The following CNTN6 variants were observed in gnomAD, a reference collection of about 807,000 sequenced individuals.
CNTN6 encodes the protein contactin-6.
CNTN6 carries 137 observed loss-of-function variants against 122.8 expected under a neutral mutation model. The observed-to-expected ratio is 1.12, with a 90% CI of 0.97 to 1.29. CNTN6 has a LOEUF of 1.29. Among genes scored for constraint, CNTN6 ranks in the 50% most tolerant of loss-of-function variants. The pLI is 0.00. For missense variants in CNTN6, 1,634 were observed against 1,223.4 expected (o/e 1.34, Z -5.01); for synonymous variants, 570 against 426.0 (o/e 1.34, Z -4.16).
chr3:1,101,850 C>A (rs2090913993), intron 1 of CNTN6, among the ~76,000 whole-genome samples: 1 of 152,034 alleles, frequency 6.6e-6, no homozygotes, highest in African/African-American at 2.4e-5. Flanking sequence ...TCTATTAATT[C>A]CTTAAGTTTA....
rs1209156563 is a variant in CNTN6, at chr3:1,278,514, A to T, written c.454+6A>T. Reference sequence around the variant, plus strand: ...CCCACCGCCACATTTTGGAGGTATGATGGGGTGATTTGGGTCATATCATCA... The same window carrying T: ...CCCACCGCCACATTTTGGAGGTATGTTGGGGTGATTTGGGTCATATCATCA... On this transcript the variant is annotated splice_donor_region_variant and intron_variant, in intron 5 of 22. Transcript: ENST00000446702. 1 of 1,607,100 alleles carries T rather than the reference A, an allele frequency of 6.2e-7. No homozygotes were observed. The highest frequency in any genetic ancestry group is 8.5e-7 in the Non-Finnish European group (1 of 1,174,636).
intron 2 of CNTN6, among the ~76,000 whole-genome samples, chr3:1,161,554 T>C (rs556203304): frequency 6.6e-6 from 1 of 152,078 alleles, no homozygotes; most frequent in South Asian, 2.1e-4. Flanking sequence ...TATACATTTA[T>C]ATGCACACAA....
chr3:1,287,723 T>A (rs1031018711), intron 5 of CNTN6, among the ~76,000 whole-genome samples: 1 of 152,174 alleles, frequency 6.6e-6, no homozygotes, highest in African/African-American at 2.4e-5. Context: ...CATTATATGC[T>A]AATTATAATG....
chr3:1,238,684 G>A (rs539251597), intron 4 of CNTN6, among the ~76,000 whole-genome samples: 2 of 152,164 alleles, frequency 1.3e-5, no homozygotes, highest in South Asian at 2.1e-4. Flanking sequence ...TAGACCATAC[G>A]ATAGGCCACA....
chr3:1,383,881 A>G (rs1030431625), intron 19 of CNTN6, among the ~76,000 whole-genome samples: 6 of 152,192 alleles, frequency 3.9e-5, no homozygotes, highest in Non-Finnish European at 7.3e-5. Context: ...ATTGCCATAG[A>G]AAGGGATGGT....
At chr3:1,160,841 G>A (rs1051361646) in intron 2 of CNTN6, among the ~76,000 whole-genome samples, 1 of 151,924 alleles carries the variant, frequency 6.6e-6, no homozygotes, top group African/African-American at 2.4e-5. Flanking sequence ...CTGAGTGTTA[G>A]TTTCAGGAAT....
In CNTN6 at chr3:1,329,197, A is replaced by G. The variant is rs548027686; in HGVS notation, c.1214-588A>G. On this transcript the variant is annotated intron_variant, in intron 10 of 22. Transcript: ENST00000446702. ...ATCAGAAACACACATACATATATACATGTATGCATATACATGTATATATAT... is the reference window on the plus strand; with the variant it reads ...ATCAGAAACACACATACATATATACGTGTATGCATATACATGTATATATAT... Among the ~76,000 whole-genome samples the G allele has an allele frequency of 2.6e-4, 40 of 151,390 alleles. No homozygotes were observed. The South Asian group carries it at 8.1e-3, about 31-fold the overall frequency.
intron 12 of CNTN6, among the ~76,000 whole-genome samples, chr3:1,367,428 TCA>T (rs1365126324): frequency 8.5e-5 from 13 of 152,208 alleles, no homozygotes; most frequent in African/African-American, 3.1e-4. Flanking sequence ...TACAATCCAG[TCA>T]CACAGAGCCC....
chr3:1,280,005 A>AT (rs534209877), intron 5 of CNTN6, among the ~76,000 whole-genome samples: 15 of 152,256 alleles, frequency 9.9e-5, no homozygotes, highest in African/African-American at 3.6e-4. Flanking sequence ...TTTGGTGCTT[A>AT]TTTTTTAACG....
rs1343369964 is a variant in CNTN6, at chr3:1,227,919, T to C, written c.284T>C (p.Ile95Thr). The C allele has an allele frequency of 1.9e-6, 3 of 1,614,102 alleles. No individual in the cohort carries two copies. The highest frequency in any genetic ancestry group is 2.2e-5 in the South Asian group (2 of 91,086). ...AATAGCCCCCACACAGATCAAGATA[T>C]TGGCATGTACCAGTGCCTGGCCACC... Reference protein sequence around the residue: ...AINSPHTDQDIGMYQCLATNL... With the variant: ...AINSPHTDQDTGMYQCLATNL... The change falls in exon 4 of 23, where the codon ATT becomes ACT. Residue 95 changes from isoleucine (I) to threonine (T), a missense_variant. Ile to Thr is a moderately conservative substitution (Grantham distance 89). Coordinates refer to ENST00000446702, the MANE Select transcript of CNTN6 (RefSeq NM_001289080.2).
chr3:1,309,282 TG>T (rs1698860180), intron 7 of CNTN6, among the ~76,000 whole-genome samples: 1 of 152,196 alleles, frequency 6.6e-6, no homozygotes, highest in Admixed American at 6.5e-5. Flanking sequence ...GCATTTTCAT[TG>T]ATGGTCCATT....
intron 1 of CNTN6, among the ~76,000 whole-genome samples, chr3:1,099,883 C>G (rs553828330): frequency 1.3e-4 from 20 of 152,036 alleles, no homozygotes; most frequent in Non-Finnish European, 2.4e-4. Context: ...ATGGTATACT[C>G]CCTTTATCGT....
chr3:1,384,448 GTCTTGAATCTGCTATT>G (rs1242929429), intron 19 of CNTN6, among the ~76,000 whole-genome samples: 1 of 151,930 alleles, frequency 6.6e-6, no homozygotes, highest in Non-Finnish European at 1.5e-5. Flanking sequence ...TACCTAGATT[GTCTTGAATCTGCTATT>G]TTTAGTCTAT....
In CNTN6 at chr3:1,399,053, G is replaced by C. The variant is rs567183930; in HGVS notation, c.2705-2380G>C. Among the ~76,000 whole-genome samples the C allele has an allele frequency of 2.6e-5, 4 of 152,206 alleles. No homozygotes were observed. The East Asian group carries it at 7.7e-4, about 29-fold the overall frequency. On this transcript the variant is annotated intron_variant, in intron 20 of 22. Coordinates refer to ENST00000446702, the MANE Select transcript of CNTN6 (RefSeq NM_001289080.2). The stretch of plus-strand genomic sequence containing the variant: ...AGTTGATTTTTTCAATGGATTTATA[G>C]TGTTGAAAACAATACTTTTTCCTAA...
intron 19 of CNTN6, among the ~76,000 whole-genome samples, chr3:1,384,326 C>CAA (rs1692417991): frequency 6.7e-6 from 1 of 148,944 alleles, no homozygotes; most frequent in Non-Finnish European, 1.5e-5. Flanking sequence ...GTCTGCTCCT[C>CAA]AATCATCTTA....
chr3:1,267,472 G>T (rs893399887), intron 4 of CNTN6, among the ~76,000 whole-genome samples: 2 of 152,118 alleles, frequency 1.3e-5, no homozygotes, highest in Non-Finnish European at 1.5e-5. Flanking sequence ...GAATTGGGAA[G>T]GTCTCAGTAA....
chr3:1,365,797 G>A lies in CNTN6; in HGVS notation c.1493-6502G>A, dbSNP rs559142350. The stretch of plus-strand genomic sequence containing the variant: ...AAAATGTTTAAGAAATGATAAAAGT[G>A]GAGATAATATACAGAATTAATTACA... On this transcript the variant is annotated intron_variant, in intron 12 of 22. Coordinates refer to ENST00000446702, the MANE Select transcript of CNTN6 (RefSeq NM_001289080.2). Among the ~76,000 whole-genome samples the A allele has an allele frequency of 3.5e-4, 53 of 152,194 alleles. 1 individual carries two copies. The highest frequency in any genetic ancestry group is 1.3e-3 in the African/African-American group (52 of 41,544).
chr3:1,096,678 A>C (rs551370528), intron 1 of CNTN6, among the ~76,000 whole-genome samples: 46 of 152,014 alleles, frequency 3.0e-4, no homozygotes, highest in Non-Finnish European at 6.5e-4. Flanking sequence ...TTCTCTTAAC[A>C]CTCTAGCAAT....
intron 17 of CNTN6, among the ~76,000 whole-genome samples, chr3:1,379,870 A>T (rs1258366340): frequency 1.3e-5 from 2 of 152,200 alleles, no homozygotes; most frequent in Non-Finnish European, 2.9e-5. Context: ...GAGAAGATTC[A>T]TACATTAGGA....
Sources: allele counts gnomAD v4.1 joint callset (sites outside exome capture counted in the v4.1 genomes callset), GRCh38; gene constraint gnomAD v4.1.1; transcripts MANE v1.5; gene names NCBI Gene and HGNC (gene_info 2026-07-23, HGNC 2026-07-21).